NEMF: variants seen among roughly 807,000 people sequenced by gnomAD.
NEMF encodes nuclear export mediator factor, also known as ribosome quality control complex subunit NEMF.
Under a neutral mutation model 162.2 loss-of-function variants are expected in NEMF, and 89 were observed. The observed-to-expected ratio is 0.55, with a 90% CI of 0.46 to 0.65. The LOEUF is 0.65. Among genes scored for constraint, NEMF ranks in the 30% least tolerant of loss-of-function variants. The pLI, the probability that NEMF is intolerant of heterozygous loss-of-function variation, is 0.00. For missense variants in NEMF, 1,133 were observed against 1,261.9 expected, an observed-to-expected ratio of 0.90 and a Z score of 1.55; for synonymous variants, 421 against 404.5, an observed-to-expected ratio of 1.04 and a Z score of -0.49.
chr14:49,845,761 G>A (rs905081083), intron 4 of NEMF, among the ~76,000 whole-genome samples: 2 of 152,184 alleles, frequency 1.3e-5, no homozygotes, highest in Non-Finnish European at 2.9e-5. Flanking sequence ...AATGTTACAG[G>A]ACCAACGTTT....
Position 49,851,869 on chromosome 14 carries a change from T to C in NEMF, c.66A>G (p.Leu22=), listed in dbSNP as rs759267298. Residue 22 remains leucine, a synonymous_variant, in exon 2 of 33, where the codon CTA becomes CTG. Transcript: ENST00000298310. The stretch of plus-strand genomic sequence containing the variant: ...CATAAACATTGTTTACTCTCATTCC[T>C]AGCAAGCTGCAAAGATAAAGGAAAC... ...AVLAELNASL[L]GMRVNNVYDV... is the part of the protein sequence containing the mutation. 9 of 1,573,482 alleles carry C rather than the reference T, an allele frequency of 5.7e-6. No homozygotes were observed. Among genetic ancestry groups the C allele is most frequent in the South Asian group, 3.5e-5 (3 of 86,784 alleles).
At chr14:49,802,199 G>A (rs1216115381) in intron 22 of NEMF, among the ~76,000 whole-genome samples, 3 of 151,312 alleles carry the variant, frequency 2.0e-5, no homozygotes, top group East Asian at 1.9e-4. Flanking sequence ...CACCTGCCTC[G>A]GACTCCCAAA....
At position 49,795,802 on chromosome 14, in the gene NEMF, G is replaced by A. The variant is rs766931948; in HGVS notation, c.2608C>T (p.Arg870Ter). 1.2e-6 allele frequency: 2 copies of A among 1,610,304 alleles called. No homozygotes were observed. The highest frequency in any genetic ancestry group is 8.5e-7 in the Non-Finnish European group (1 of 1,179,186). ...ATCCTGAAGTTTACCTTTTGTCCTC[G>A]TTTCATTGGCTGCACAGCCGCAACA... is the stretch of plus-strand genomic sequence containing the variant. ...KNVAAVQPMKRGQKSKMKKMK... is the reference protein window; with the variant it reads ...KNVAAVQPMK Residue 870 changes from arginine to a stop codon, truncating the protein, a stop_gained, in exon 26 of 33, where the codon CGA becomes TGA. Coordinates refer to ENST00000298310, the MANE Select transcript of NEMF (RefSeq NM_004713.6). LOFTEE classifies it high-confidence loss of function.
At chr14:49,796,097 C>A in intron 25 of NEMF, 153 bp from the exon 26 acceptor site, 1 of 635,306 alleles carries the variant, frequency 1.6e-6, no homozygotes, top group Non-Finnish European at 2.8e-6. Flanking sequence ...TACAAAGATG[C>A]TTAAAATCAT....
Position 49,814,845 on chromosome 14 carries a change from A to T in NEMF, c.1590T>A (p.Phe530Leu). ...AGTTCTCTGAGCTAATGAACCACAG[A>T]AATTTCTCAAACCTATCAAAATGAA... ...KARKVYWFEKFLWFISSENYL... is the reference protein window; with the variant it reads ...KARKVYWFEKLLWFISSENYL... The change falls in exon 17 of 33, where the codon TTT becomes TTA. Residue 530 changes from phenylalanine (F) to leucine (L), a missense_variant. Phe to Leu is a conservative substitution (Grantham distance 22). Around this residue, in one of 3 missense-constraint regions of NEMF, gnomAD observed 582 missense variants for 631.5 expected, o/e 0.92. Transcript: ENST00000298310. 6.4e-7 allele frequency: 1 copy of T among 1,567,252 alleles called. No homozygotes were observed. The highest frequency in any genetic ancestry group is 1.4e-5 in the African/African-American group (1 of 72,394).
At chr14:49,810,033 C>T (rs1256323427) in intron 18 of NEMF, among the ~76,000 whole-genome samples, 2 of 151,408 alleles carry the variant, frequency 1.3e-5, no homozygotes. Context: ...ACATTCTGCT[C>T]AATTTTGTTG....
chr14:49,838,065 T>C (rs952296833), intron 6 of NEMF, 74 bp downstream of exon 6: 2 of 1,184,420 alleles, frequency 1.7e-6, no homozygotes, highest in African/African-American at 1.5e-5. Flanking sequence ...AATAAAACCA[T>C]AAAAGATTTC....
intron 29 of NEMF, chr14:49,785,583 C>T (rs1375703813): frequency 2.7e-6 from 1 of 367,998 alleles, no homozygotes; most frequent in African/African-American, 2.1e-5. Flanking sequence ...CCTACAGTTA[C>T]ATTTAAGAGA....
intron 16 of NEMF, chr14:49,820,397 C>T (rs1229266759): frequency 8.8e-6 from 4 of 456,586 alleles, no homozygotes; most frequent in Admixed American, 2.3e-5. Flanking sequence ...AGCACTTACG[C>T]GTTGTCCTCT....
At chr14:49,808,913 A>G (rs1439782263) in intron 18 of NEMF, among the ~76,000 whole-genome samples, 2 of 152,208 alleles carry the variant, frequency 1.3e-5, no homozygotes, top group Admixed American at 6.5e-5. Context: ...ATGAATATCT[A>G]ATAAGCATAT....
At chr14:49,841,379 A>ACTGTGGGAG (rs1893198538) in intron 4 of NEMF, among the ~76,000 whole-genome samples, 6 of 151,872 alleles carry the variant, frequency 4.0e-5, no homozygotes, top group Non-Finnish European at 7.4e-5. Context: ...GTTCAAAACC[A>ACTGTGGGAG]GCTTGACCAA....
At chr14:49,836,752 G>C (rs1390046680) in intron 6 of NEMF, among the ~76,000 whole-genome samples, 3 of 152,092 alleles carry the variant, frequency 2.0e-5, no homozygotes, top group Non-Finnish European at 2.9e-5. Flanking sequence ...TGATGTGTTG[G>C]GATAGAAGTG....
rs1228746886 is a variant in NEMF, at chr14:49,822,335, T to TA, written c.1577+3531dup. ...AATAAAAGAATGATGCACATTTTAA[T>TA]AAAAAAAAAAAAGAGGAAAAAAAAA... is the stretch of plus-strand genomic sequence containing the variant. On this transcript the variant is annotated intron_variant, in intron 16 of 32. Coordinates refer to ENST00000298310, the MANE Select transcript of NEMF (RefSeq NM_004713.6). Among the ~76,000 whole-genome samples, 346 of 118,826 alleles carry TA rather than the reference T, an allele frequency of 2.9e-3. 1 individual carries two copies. The highest frequency in any genetic ancestry group is 7.6e-3 in the African/African-American group (241 of 31,892). The allele number at this position is 118,826 out of a possible 152,430, so 78.0% of individuals were successfully genotyped here. A position where few individuals can be genotyped will look rare whatever the true frequency, so the allele number is the denominator to read the frequency against.
rs572697951 is a variant in NEMF at position 49,841,762 on chromosome 14, A to G, written c.358-896T>C. Among the ~76,000 whole-genome samples, 51 of 152,222 alleles carry G rather than the reference A, an allele frequency of 3.4e-4. 1 individual carries two copies. The South Asian group carries it at 0.01, about 30-fold the overall frequency. On this transcript the variant is annotated intron_variant, in intron 4 of 32. Coordinates refer to ENST00000298310, the MANE Select transcript of NEMF (RefSeq NM_004713.6). ...TTTCCACATTTGGTAATGTAGCCCA[A>G]TGAAGTAACTCCAACACTCCAGTAA...
At chr14:49,800,103 A>T (rs536895650) in intron 23 of NEMF, among the ~76,000 whole-genome samples, 1 of 152,276 alleles carries the variant, frequency 6.6e-6, no homozygotes, top group South Asian at 2.1e-4. Flanking sequence ...ACTATGGACT[A>T]TTCACCTGAT....
intron 14 of NEMF, 26 bp from the exon 15 acceptor site, chr14:49,828,380 T>G (rs1232202281): frequency 1.5e-5 from 21 of 1,401,998 alleles, no homozygotes; most frequent in Non-Finnish European, 2.1e-5. Context: ...TCTCTTAAAT[T>G]TTAAGTATAA....
chr14:49,799,137 G>GT (rs1890828397), intron 25 of NEMF, among the ~76,000 whole-genome samples: 1 of 141,214 alleles, frequency 7.1e-6, no homozygotes, highest in African/African-American at 2.6e-5. Flanking sequence ...GAGCCTGGGA[G>GT]TTTGAGGCTG....
chr14:49,814,211 C>T (rs1255662441), intron 17 of NEMF, among the ~76,000 whole-genome samples, 161 bp from the exon 18 acceptor site: 1 of 151,970 alleles, frequency 6.6e-6, no homozygotes, highest in Non-Finnish European at 1.5e-5. Flanking sequence ...GCAATTCTCC[C>T]ACCTCAGCCT....
intron 4 of NEMF, among the ~76,000 whole-genome samples, chr14:49,844,289 C>G (rs1020224766): frequency 6.6e-6 from 1 of 152,098 alleles, no homozygotes; most frequent in African/African-American, 2.4e-5. Flanking sequence ...AGATCCCTTG[C>G]ATGCACAGTT....
Sources: gnomAD v4.1 joint callset for allele counts (sites outside exome capture counted in the v4.1 genomes callset) on GRCh38, gnomAD v4.1.1 for gene constraint, gnomAD v4.1.1 regional missense constraint, MANE v1.5 for transcripts, NCBI Gene and HGNC (gene_info 2026-07-23, HGNC 2026-07-21) for gene names.